Variants in SYT6 observed in about 807,000 individuals in gnomAD.
SYT6 encodes the protein synaptotagmin 6, also known as synaptotagmin-6.
In SYT6, 24 loss-of-function variants were observed where a neutral mutation model predicts 38.4. That is an observed-to-expected ratio of 0.62 (90% CI 0.45 to 0.88). The LOEUF is 0.88. SYT6 is among the 40% of genes least tolerant of loss of function. SYT6 has a pLI of 0.00. For missense variants in SYT6, 611 were observed against 621.0 expected (o/e 0.98, Z 0.17); for synonymous variants, 265 against 241.9 (o/e 1.10, Z -0.89).
At chr1:114,150,574 G>C (rs1051278889) in intron 1 of SYT6, among the ~76,000 whole-genome samples, 3 of 152,158 alleles carry the variant, frequency 2.0e-5, no homozygotes, top group African/African-American at 4.8e-5. Flanking sequence ...TCAGGTTTCT[G>C]CATTTGCTGG....
In SYT6 at chr1:114,091,953, T is replaced by G; in HGVS notation, c.*181A>C. 6.6e-7 allele frequency: 1 copy of G among 1,518,320 alleles called. No homozygotes were observed. Among genetic ancestry groups the G allele is most frequent in the Non-Finnish European group, 8.8e-7 (1 of 1,130,684 alleles). The allele number at this position is 1,518,320 out of a possible 1,614,324, so 94.1% of individuals were successfully genotyped here. On this transcript the variant is annotated 3_prime_UTR_variant, in exon 8 of 8. Coordinates refer to ENST00000610222, the MANE Select transcript of SYT6 (RefSeq NM_001253772.2). ...CGACTGCACAACACTGTTTAGACGG[T>G]TGAACAAGTGCAAAGAGAACATTGC...
chr1:114,136,795 G>A (rs879461842), intron 3 of SYT6, among the ~76,000 whole-genome samples: 2 of 152,126 alleles, frequency 1.3e-5, no homozygotes, highest in Non-Finnish European at 2.9e-5. Context: ...GTCGTCATTC[G>A]TGCTGTTCAT....
At chr1:114,111,908 G>C (rs1338357281) in intron 3 of SYT6, among the ~76,000 whole-genome samples, 1 of 152,126 alleles carries the variant, frequency 6.6e-6, no homozygotes, top group Non-Finnish European at 1.5e-5. Flanking sequence ...TGTGAACACC[G>C]GCCTGGGTGA....
At position 114,098,144 on chromosome 1, in the gene SYT6, G is replaced by T. The variant is rs72690067; in HGVS notation, c.1365-267C>A. 6.2e-3 allele frequency among the ~76,000 whole-genome samples: 951 copies of T among 152,308 alleles called. 4 individuals carry two copies. Among genetic ancestry groups the T allele is most frequent in the Non-Finnish European group, 0.01 (682 of 68,024 alleles). On this transcript the variant is annotated intron_variant, in intron 5 of 7. Coordinates refer to ENST00000610222, the MANE Select transcript of SYT6 (RefSeq NM_001253772.2). ...AGTGGTGGGCAGATAGCCTGAGTATGCGAGGTGAGACAGTCTAAGTCTCTT... is the reference window on the plus strand; with the variant it reads ...AGTGGTGGGCAGATAGCCTGAGTATTCGAGGTGAGACAGTCTAAGTCTCTT...
At chr1:114,119,590 G>A (rs570743475) in intron 3 of SYT6, among the ~76,000 whole-genome samples, 67 of 152,270 alleles carry the variant, frequency 4.4e-4, no homozygotes, top group Non-Finnish European at 7.8e-4. Context: ...GAGATATTAC[G>A]TTAAAGAGTG....
At chr1:114,103,850 G>A in intron 3 of SYT6, 129 bp from the exon 4 acceptor site, 1 of 1,185,716 alleles carries the variant, frequency 8.4e-7, no homozygotes. Flanking sequence ...GTGTTTTTAA[G>A]ACTAAGGGAC....
intron 3 of SYT6, among the ~76,000 whole-genome samples, chr1:114,134,022 G>A (rs1295954807): frequency 6.6e-6 from 1 of 152,172 alleles, no homozygotes; most frequent in Non-Finnish European, 1.5e-5. Context: ...TGCCAGGGCC[G>A]AATCCGACTC....
In SYT6 at chr1:114,153,758, C is replaced by A. The variant is rs1397233721; in HGVS notation, c.15G>T (p.Trp5Cys). 7.3e-6 allele frequency: 5 copies of A among 681,084 alleles called. No individual in the cohort carries two copies. The South Asian group carries it at 7.6e-5, about 10-fold the overall frequency. 42.2% of individuals were successfully genotyped at this position (681,084 alleles called of 1,614,324 possible). A position where few individuals can be genotyped will look rare whatever the true frequency, so the allele number is the denominator to read the frequency against. Residue 5 changes from tryptophan (W) to cysteine (C), a missense_variant, in exon 1 of 8, where the codon TGG becomes TGT. Transcript: ENST00000610222. Reference protein sequence around the residue: MSGVWGAGGPRCQEA... With the variant: MSGVCGAGGPRCQEA... ...CCTGGCACCGAGGCCCGCCGGCCCCCCACACTCCGCTCATGCCCTAGACAC... is the reference window on the plus strand; with the variant it reads ...CCTGGCACCGAGGCCCGCCGGCCCCACACACTCCGCTCATGCCCTAGACAC...
chr1:114,127,712 C>T (rs1249545506), intron 3 of SYT6, among the ~76,000 whole-genome samples: 1 of 152,236 alleles, frequency 6.6e-6, no homozygotes, highest in Non-Finnish European at 1.5e-5. Flanking sequence ...CTCCTCCCCT[C>T]TTTGGTGAGA....
At chr1:114,111,183 T>C (rs1676652265) in intron 3 of SYT6, among the ~76,000 whole-genome samples, 1 of 152,212 alleles carries the variant, frequency 6.6e-6, no homozygotes, top group Non-Finnish European at 1.5e-5. Context: ...TCCACTGTTC[T>C]GCCCCAGGTG....
intron 1 of SYT6, among the ~76,000 whole-genome samples, chr1:114,142,346 A>G (rs1357094310): frequency 6.6e-6 from 1 of 152,220 alleles, no homozygotes; most frequent in Non-Finnish European, 1.5e-5. Context: ...ATAACTGCAG[A>G]TGTGGTGGAA....
chr1:114,128,011 G>C (rs1380056270), intron 3 of SYT6, among the ~76,000 whole-genome samples: 1 of 152,226 alleles, frequency 6.6e-6, no homozygotes, highest in Non-Finnish European at 1.5e-5. Flanking sequence ...CAGGCAGCTG[G>C]GAGGGCCACT....
chr1:114,127,833 A>G (rs1677834512), intron 3 of SYT6, among the ~76,000 whole-genome samples: 1 of 152,242 alleles, frequency 6.6e-6, no homozygotes, highest in Non-Finnish European at 1.5e-5. Context: ...AGGGGGTGCC[A>G]GAGAATAACA....
At position 114,097,795 on chromosome 1, in the gene SYT6, G is replaced by A. The variant is rs1675725162; in HGVS notation, c.1447C>T (p.Leu483=). ...GLGRDHWNEM[L]AYPRKPIAHW... ...GCGATGGGCTTCCGGGGGTATGCCAGCATCTCGTTCCAGTGGTCCCTGCCC... is the reference window on the plus strand; with the variant it reads ...GCGATGGGCTTCCGGGGGTATGCCAACATCTCGTTCCAGTGGTCCCTGCCC... Residue 483 remains leucine, a synonymous_variant, in exon 6 of 8, where the codon CTG becomes TTG. Transcript: ENST00000610222. The A allele has an allele frequency of 6.2e-6, 10 of 1,614,222 alleles. No homozygotes were observed. Among genetic ancestry groups the A allele is most frequent in the Non-Finnish European group, 7.6e-6 (9 of 1,180,040 alleles).
intron 3 of SYT6, among the ~76,000 whole-genome samples, chr1:114,105,222 G>C (rs1220938008): frequency 6.6e-6 from 1 of 152,128 alleles, no homozygotes. Context: ...ACTTCTGGGA[G>C]AGAGAAGAGT....
chr1:114,136,462 A>G (rs891132898), intron 3 of SYT6, among the ~76,000 whole-genome samples: 3 of 152,220 alleles, frequency 2.0e-5, no homozygotes, highest in Non-Finnish European at 2.9e-5. Context: ...GGGGGTGCTT[A>G]GAGAGAGGAC....
intron 5 of SYT6, 71 bp from the exon 6 acceptor site, chr1:114,097,948 G>A: frequency 1.9e-6 from 3 of 1,573,260 alleles, no homozygotes; most frequent in Non-Finnish European, 2.6e-6. Flanking sequence ...CAGTGTGGGG[G>A]GTGGTAGGAC....
At chr1:114,106,959 G>C (rs1339680581) in intron 3 of SYT6, among the ~76,000 whole-genome samples, 1 of 152,172 alleles carries the variant, frequency 6.6e-6, no homozygotes, top group Non-Finnish European at 1.5e-5. Flanking sequence ...TTGCAGAAAG[G>C]GGTGCTCACA....
intron 5 of SYT6, among the ~76,000 whole-genome samples, 164 bp from the exon 6 acceptor site, chr1:114,098,041 C>A (rs974049477): frequency 6.6e-6 from 1 of 152,160 alleles, no homozygotes; most frequent in Non-Finnish European, 1.5e-5. Flanking sequence ...GGCGGTGAAG[C>A]CTTTGCCTAG....
Sources: gnomAD v4.1 joint callset for allele counts (sites outside exome capture counted in the v4.1 genomes callset) on GRCh38, gnomAD v4.1.1 for gene constraint, MANE v1.5 for transcripts, NCBI Gene and HGNC (gene_info 2026-07-23, HGNC 2026-07-21) for gene names.